Variants in NRXN3 observed in about 807,000 individuals in gnomAD.
NRXN3 encodes neurexin III.
In NRXN3, 32 loss-of-function variants were observed where a neutral mutation model predicts 137.6. The ratio of observed to expected loss-of-function variants is 0.23; its 90% CI spans 0.18 to 0.31. The LOEUF (loss-of-function observed/expected upper bound fraction) is 0.31. Among genes scored for constraint, NRXN3 ranks in the 10% least tolerant of loss-of-function variants. The pLI is 1.00. For missense variants in NRXN3, 1,574 were observed against 2,062.5 expected (o/e 0.76, Z 4.59); for synonymous variants, 798 against 784.5 (o/e 1.02, Z -0.29).
chr14:79,764,438 C>T (rs975565441), intron 19 of NRXN3, among the ~76,000 whole-genome samples: 3 of 152,096 alleles, frequency 2.0e-5, no homozygotes, highest in Non-Finnish European at 4.4e-5. Context: ...AATATTAGCT[C>T]AGCTGATAAG....
chr14:78,610,434 A>G lies in NRXN3; in HGVS notation c.758-34686A>G, dbSNP rs183568321. On this transcript the variant is annotated intron_variant, in intron 4 of 20. Coordinates refer to ENST00000335750, the MANE Select transcript of NRXN3 (RefSeq NM_001330195.2). ...TGCTGCCCCTTTTGGGCAAAGAATC[A>G]GGTTTCTAGGTCCTCAAGGCTCATC... is the stretch of plus-strand genomic sequence containing the variant. Among the ~76,000 whole-genome samples, 261 of 152,326 alleles carry G rather than the reference A, an allele frequency of 1.7e-3. 2 individuals carry two copies. Among genetic ancestry groups the G allele is most frequent in the African/African-American group, 5.7e-3 (237 of 41,570 alleles).
At chr14:78,358,911 G>A (rs535664761) in intron 4 of NRXN3, among the ~76,000 whole-genome samples, 3 of 152,098 alleles carry the variant, frequency 2.0e-5, no homozygotes, top group East Asian at 1.9e-4. Flanking sequence ...AAGGGGCCTC[G>A]CAGGAATTTA....
At chr14:78,983,182 G>T (rs867576255) in intron 14 of NRXN3, among the ~76,000 whole-genome samples, 4 of 152,190 alleles carry the variant, frequency 2.6e-5, no homozygotes, top group Non-Finnish European at 2.9e-5. Context: ...GGGAACACTT[G>T]TGCATTTTTG....
chr14:79,536,576 T>C (rs1988873), intron 16 of NRXN3, among the ~76,000 whole-genome samples: 130,942 of 152,008 alleles, frequency 0.86, 57,113 homozygotes, highest in South Asian at 0.95. Context: ...TATTAAGCCC[T>C]GCATGCATTA....
At chr14:79,578,176 T>C (rs1030900630) in intron 16 of NRXN3, among the ~76,000 whole-genome samples, 4 of 152,196 alleles carry the variant, frequency 2.6e-5, no homozygotes, top group Admixed American at 6.5e-5. Flanking sequence ...TTGTGATTTA[T>C]TGTAAGGACA....
intron 15 of NRXN3, among the ~76,000 whole-genome samples, chr14:79,428,876 G>C (rs1224155238): frequency 6.6e-6 from 1 of 152,190 alleles, no homozygotes; most frequent in Non-Finnish European, 1.5e-5. Flanking sequence ...GGGGGAATAG[G>C]AGTGGGCAGA....
Position 78,988,066 on chromosome 14 carries a change from G to A in NRXN3, c.3187G>A (p.Val1063Ile). The part of the protein sequence containing the change: ...CQEDSCANQG[V>I]CMQQWEGFTC... ...GGAAGATTCATGTGCCAACCAGGGG[G>A]TCTGCATGCAACAATGGGAGGGCTT... is the stretch of plus-strand genomic sequence containing the variant. Residue 1063 changes from valine (V) to isoleucine (I), a missense_variant, in exon 15 of 21, where the codon GTC becomes ATC. By Grantham distance (29) the Val-to-Ile change is conservative. Transcript: ENST00000335750. The A allele has an allele frequency of 6.2e-7, 1 of 1,613,890 alleles. No individual in the cohort carries two copies. The highest frequency in any genetic ancestry group is 8.5e-7 in the Non-Finnish European group (1 of 1,179,898).
intron 4 of NRXN3, among the ~76,000 whole-genome samples, chr14:78,353,111 T>C (rs1483669884): frequency 6.6e-6 from 1 of 152,134 alleles, no homozygotes; most frequent in Non-Finnish European, 1.5e-5. Context: ...AACATGGATT[T>C]TTATTCTTAT....
At chr14:79,724,502 A>G (rs2098868571) in intron 19 of NRXN3, among the ~76,000 whole-genome samples, 1 of 152,042 alleles carries the variant, frequency 6.6e-6, no homozygotes, top group Non-Finnish European at 1.5e-5. Flanking sequence ...GTCACAATTG[A>G]AAAGGAATGT....
chr14:79,164,237 A>G (rs1373838604), intron 15 of NRXN3, among the ~76,000 whole-genome samples: 1 of 152,026 alleles, frequency 6.6e-6, no homozygotes, highest in African/African-American at 2.4e-5. Context: ...TTTAGCATAC[A>G]TAAACATATC....
intron 19 of NRXN3, among the ~76,000 whole-genome samples, chr14:79,733,914 A>G (rs894756931): frequency 7.2e-5 from 11 of 152,172 alleles, no homozygotes; most frequent in African/African-American, 2.4e-4. Context: ...AATGGCCAGT[A>G]GCTGGTCCCA....
intron 8 of NRXN3, chr14:78,744,959 T>C (rs1478928306): frequency 6.6e-6 from 1 of 152,220 alleles, no homozygotes; most frequent in Non-Finnish European, 1.5e-5. Flanking sequence ...TCAGCAGTTT[T>C]GACCAGCACA....
chr14:78,611,840 A>C (rs190452078), intron 4 of NRXN3, among the ~76,000 whole-genome samples: 1 of 152,380 alleles, frequency 6.6e-6, no homozygotes, highest in East Asian at 1.9e-4. Flanking sequence ...GAAGGTCTTT[A>C]GATCTTTACT....
intron 15 of NRXN3, among the ~76,000 whole-genome samples, chr14:79,160,587 T>C (rs963539996): frequency 1.3e-5 from 2 of 151,950 alleles, no homozygotes; most frequent in Non-Finnish European, 2.9e-5. Flanking sequence ...CATGTTCGTG[T>C]TGAGTAGGTG....
intron 8 of NRXN3, among the ~76,000 whole-genome samples, chr14:78,796,506 A>C (rs2098822306): frequency 6.6e-6 from 1 of 152,200 alleles, no homozygotes; most frequent in South Asian, 2.1e-4. Flanking sequence ...GATGGCAAGC[A>C]GCTTATAGGG....
At chr14:79,768,748 C>G (rs568790350) in intron 19 of NRXN3, among the ~76,000 whole-genome samples, 3 of 152,186 alleles carry the variant, frequency 2.0e-5, no homozygotes, top group Non-Finnish European at 2.9e-5. Flanking sequence ...AGTTCCTCAC[C>G]AGCAACGGAA....
At position 78,371,528 on chromosome 14, in the gene NRXN3, T is replaced by C. The variant is rs1299811229; in HGVS notation, c.757+73668T>C. 3.3e-5 allele frequency among the ~76,000 whole-genome samples: 5 copies of C among 152,348 alleles called. No individual in the cohort carries two copies. The East Asian group carries it at 9.7e-4, about 29-fold the overall frequency. On this transcript the variant is annotated intron_variant, in intron 4 of 20. Transcript: ENST00000335750. ...CCTGGATGTGGGAACCCAAAAAGGC[T>C]GTCACACTGACTCTTCACTGAGCTG...
chr14:78,556,136 G>C (rs2096734747), intron 4 of NRXN3, among the ~76,000 whole-genome samples: 2 of 152,182 alleles, frequency 1.3e-5, no homozygotes, highest in Admixed American at 6.5e-5. Context: ...CATTTTCCAA[G>C]GCAAATCCAA....
At chr14:79,013,223 T>G (rs2099574010) in intron 15 of NRXN3, among the ~76,000 whole-genome samples, 1 of 152,202 alleles carries the variant, frequency 6.6e-6, no homozygotes, top group South Asian at 2.1e-4. Context: ...CACATTAAAA[T>G]GTTATCTTAC....
Sources: allele counts gnomAD v4.1 joint callset (sites outside exome capture counted in the v4.1 genomes callset), GRCh38; gene constraint gnomAD v4.1.1; transcripts MANE v1.5; gene names NCBI Gene and HGNC (gene_info 2026-07-23, HGNC 2026-07-21).